YEATS2: variants seen among roughly 807,000 people sequenced by gnomAD.
The protein encoded by YEATS2 is YEATS domain-containing protein 2.
YEATS2 carries 77 observed loss-of-function variants against 163.2 expected under a neutral mutation model. That is an observed-to-expected ratio of 0.47 (90% CI 0.39 to 0.57). The LOEUF (loss-of-function observed/expected upper bound fraction) is 0.57, where lower values mean the gene tolerates loss of function less well. YEATS2 is among the 20% of genes least tolerant of loss of function. The probability of loss-of-function intolerance (pLI) is 0.00; values close to 1 mark genes in which losing one functional copy is unlikely to be tolerated. For missense variants in YEATS2, 1,549 were observed against 1,729.8 expected, an observed-to-expected ratio of 0.90 and a Z score of 1.85; for synonymous variants, 631 against 645.1, an observed-to-expected ratio of 0.98 and a Z score of 0.33.
chr3:183,745,496 A>G (rs923890622), intron 8 of YEATS2, among the ~76,000 whole-genome samples: 23 of 152,004 alleles, frequency 1.5e-4, no homozygotes, highest in African/African-American at 5.3e-4. Context: ...CCCTCCTCAG[A>G]TGCTTGTCTG....
Position 183,734,862 on chromosome 3 carries a change from A to G in YEATS2, c.813-1856A>G, listed in dbSNP as rs562515985. Among the ~76,000 whole-genome samples, 10 of 152,278 alleles carry G rather than the reference A, an allele frequency of 6.6e-5. No homozygotes were observed. In the South Asian group the frequency reaches 1.9e-3, roughly 28 times the overall value. On this transcript the variant is annotated intron_variant, in intron 7 of 30. Coordinates refer to ENST00000305135, the MANE Select transcript of YEATS2 (RefSeq NM_018023.5). ...TTATGGTTTTTCCCTCTTGGTGTCA[A>G]TGGTTTATTTCACCTTCTATGAGGA...
At chr3:183,804,829 A>T (rs1316001472) in intron 27 of YEATS2, among the ~76,000 whole-genome samples, 1 of 152,050 alleles carries the variant, frequency 6.6e-6, no homozygotes, top group Non-Finnish European at 1.5e-5. Context: ...CTACTAAAAA[A>T]ACAAAAAAAT....
At chr3:183,755,211 G>A (rs1214490223) in intron 11 of YEATS2, among the ~76,000 whole-genome samples, 4 of 151,930 alleles carry the variant, frequency 2.6e-5, no homozygotes, top group South Asian at 2.1e-4. Flanking sequence ...CACCTCTCTC[G>A]GGTTCAAGTG....
At chr3:183,772,629 ATTTTATTTG>A in intron 16 of YEATS2, 66 bp downstream of exon 16, 1 of 1,587,584 alleles carries the variant, frequency 6.3e-7, no homozygotes, top group Non-Finnish European at 8.6e-7. Flanking sequence ...TTTGCTAGTG[ATTTTATTTG>A]CTATTTGATC....
intron 8 of YEATS2, among the ~76,000 whole-genome samples, chr3:183,741,096 G>A (rs1236114990): frequency 6.6e-6 from 1 of 151,800 alleles, no homozygotes; most frequent in East Asian, 1.9e-4. Flanking sequence ...CTGCCACCAC[G>A]CGCGGATAAT....
At chr3:183,806,799 C>T (rs1726251773) in intron 27 of YEATS2, 67 bp from the exon 28 acceptor site, 4 of 1,555,882 alleles carry the variant, frequency 2.6e-6, no homozygotes, top group Non-Finnish European at 1.8e-6. Flanking sequence ...CCATGGGTCT[C>T]TTGGAGACGG....
Position 183,744,912 on chromosome 3 carries a change from G to A in YEATS2, c.925-2760G>A, listed in dbSNP as rs190496051. 2.0e-3 allele frequency among the ~76,000 whole-genome samples: 298 copies of A among 152,066 alleles called. 2 individuals carry two copies. Among genetic ancestry groups the A allele is most frequent in the African/African-American group, 6.1e-3 (251 of 41,466 alleles). ...GTCACCCAGGCTGGAGTGCAGTGGC[G>A]CAGTTTCGGCTCACTGCAACCTCTA... On this transcript the variant is annotated intron_variant, in intron 8 of 30. Coordinates refer to ENST00000305135, the MANE Select transcript of YEATS2 (RefSeq NM_018023.5).
intron 5 of YEATS2, 48 bp from the exon 6 acceptor site, chr3:183,724,371 T>C: frequency 1.4e-6 from 2 of 1,414,276 alleles, no homozygotes; most frequent in South Asian, 2.4e-5. Flanking sequence ...TCTGTCCTAT[T>C]GAAAGTTGTT....
chr3:183,774,364 C>T (rs896484322), intron 17 of YEATS2, among the ~76,000 whole-genome samples: 7 of 152,084 alleles, frequency 4.6e-5, no homozygotes, highest in Non-Finnish European at 7.4e-5. Flanking sequence ...GTTGTGTGCT[C>T]CTTATGAGAA....
chr3:183,809,064 C>T (rs753498847), intron 29 of YEATS2, 33 bp from the exon 30 acceptor site: 1 of 1,610,258 alleles, frequency 6.2e-7, no homozygotes, highest in Non-Finnish European at 8.5e-7. Flanking sequence ...AAGCAGATGG[C>T]CATTTGAAGA....
At chr3:183,725,492 A>AC (rs1426995830) in intron 6 of YEATS2, among the ~76,000 whole-genome samples, 1 of 151,980 alleles carries the variant, frequency 6.6e-6, no homozygotes, top group Non-Finnish European at 1.5e-5. Flanking sequence ...TCACAGTGCC[A>AC]CATGGCTAGG....
chr3:183,761,637 T>C lies in YEATS2; in HGVS notation c.1764+23T>C, dbSNP rs776891825. On this transcript the variant is annotated intron_variant, in intron 14 of 30. Coordinates refer to ENST00000305135, the MANE Select transcript of YEATS2 (RefSeq NM_018023.5). The stretch of plus-strand genomic sequence containing the variant: ...AAAGTGAGTATGTATTAGGGCATTG[T>C]CCCACAAGTCATAATACTTTTTGTG... 12 of 1,598,272 alleles carry C rather than the reference T, an allele frequency of 7.5e-6. No individual in the cohort carries two copies. The South Asian group carries it at 1.2e-4, about 16-fold the overall frequency.
At chr3:183,789,524 AATTTTTTTTT>A (rs1724386112) in intron 20 of YEATS2, among the ~76,000 whole-genome samples, 1 of 77,062 alleles carries the variant, frequency 1.3e-5, no homozygotes, top group Non-Finnish European at 2.5e-5. Context: ...CATTCGAGTT[AATTTTTTTTT>A]TTTTTTTTTT....
At chr3:183,750,345 G>A (rs1041418522) in intron 9 of YEATS2, among the ~76,000 whole-genome samples, 2 of 152,178 alleles carry the variant, frequency 1.3e-5, no homozygotes, top group African/African-American at 2.4e-5. Flanking sequence ...GGACACTTGC[G>A]TTGCTTCCAG....
At chr3:183,806,343 A>C in intron 27 of YEATS2, 1 of 456,550 alleles carries the variant, frequency 2.2e-6, no homozygotes, top group Non-Finnish European at 4.4e-6. Context: ...ACACTCATCC[A>C]GAAAGTGGAA....
chr3:183,740,527 TAGA>T (rs1487622845), intron 8 of YEATS2, among the ~76,000 whole-genome samples: 1 of 152,248 alleles, frequency 6.6e-6, no homozygotes, highest in East Asian at 1.9e-4. Flanking sequence ...GTGATCTGTA[TAGA>T]AGATCATACC....
At chr3:183,806,614 G>T (rs1288681142) in intron 27 of YEATS2, 1 of 510,944 alleles carries the variant, frequency 2.0e-6, no homozygotes, top group Non-Finnish European at 3.5e-6. Flanking sequence ...TGGCAGAAGT[G>T]AGAATTCCTA....
At chr3:183,722,183 T>TG in intron 5 of YEATS2, 47 bp downstream of exon 5, 3 of 1,527,834 alleles carry the variant, frequency 2.0e-6, no homozygotes, top group Non-Finnish European at 2.7e-6. Flanking sequence ...AGAAGGGAAC[T>TG]ATATTTACTA....
chr3:183,753,425 A>G (rs1202516672), intron 10 of YEATS2, among the ~76,000 whole-genome samples: 2 of 152,096 alleles, frequency 1.3e-5, no homozygotes, highest in African/African-American at 2.4e-5. Context: ...TTAGATTTCA[A>G]TTGCATCTTT....
Sources: gnomAD v4.1 joint callset for allele counts (sites outside exome capture counted in the v4.1 genomes callset) on GRCh38, gnomAD v4.1.1 for gene constraint, MANE v1.5 for transcripts, NCBI Gene and HGNC (gene_info 2026-07-23, HGNC 2026-07-21) for gene names.